The following DAAM2 variants were observed in gnomAD, a reference collection of about 807,000 sequenced individuals.
The protein encoded by DAAM2 is disheveled-associated activator of morphogenesis 2.
In DAAM2, 39 loss-of-function variants were observed where a neutral mutation model predicts 120.7. That is an observed-to-expected ratio of 0.32 (90% CI 0.25 to 0.42). The LOEUF (loss-of-function observed/expected upper bound fraction) is 0.42, where lower values mean the gene tolerates loss of function less well. DAAM2 is among the 10% of genes least tolerant of loss of function. The pLI, the probability that DAAM2 is intolerant of heterozygous loss-of-function variation, is 1.00. For missense variants in DAAM2, 1,283 were observed against 1,401.7 expected (o/e 0.92, Z 1.35); for synonymous variants, 488 against 524.9 (o/e 0.93, Z 0.96).
intron 22 of DAAM2, 167 bp from the exon 23 acceptor site, chr6:39,899,910 C>A: frequency 1.4e-6 from 1 of 708,270 alleles, no homozygotes; most frequent in South Asian, 2.1e-5. Context: ...GGGCTGGCTG[C>A]TAATGTTAGC....
chr6:39,896,272 G>A (rs1330577266), intron 19 of DAAM2, among the ~76,000 whole-genome samples: 1 of 151,538 alleles, frequency 6.6e-6, no homozygotes, highest in Non-Finnish European at 1.5e-5. Flanking sequence ...AGGCAATCTT[G>A]GCTCACTGCA....
intron 1 of DAAM2, among the ~76,000 whole-genome samples, chr6:39,816,322 T>C (rs1306468612): frequency 6.6e-6 from 1 of 152,240 alleles, no homozygotes; most frequent in Non-Finnish European, 1.5e-5. Context: ...TCTCCTGCTC[T>C]TGTTCTAAAC....
intron 1 of DAAM2, among the ~76,000 whole-genome samples, chr6:39,802,130 C>T (rs1287650680): frequency 6.6e-6 from 1 of 152,202 alleles, no homozygotes; most frequent in Non-Finnish European, 1.5e-5. Flanking sequence ...ACTGCTCGGC[C>T]CTTCCAAGAC....
rs1465932537 is a variant in DAAM2, at chr6:39,856,501, A to G, written c.168+31A>G. On this transcript the variant is annotated intron_variant, in intron 2 of 24. Coordinates refer to ENST00000274867, the MANE Select transcript of DAAM2 (RefSeq NM_001201427.2). ...TGAGAGGGTGGGGAGAGACAGTGAC[A>G]ATGGGGAGGAGGGTGGATGGAGAGG... The G allele has an allele frequency of 2.2e-6, 3 of 1,387,090 alleles. No homozygotes were observed. The East Asian group carries it at 8.6e-5, about 40-fold the overall frequency. The allele number at this position is 1,387,090 out of a possible 1,614,324, so 85.9% of individuals were successfully genotyped here. A position where few individuals can be genotyped will look rare whatever the true frequency, so the allele number is the denominator to read the frequency against.
chr6:39,797,363 C>G (rs1169696128), intron 1 of DAAM2, among the ~76,000 whole-genome samples: 1 of 152,184 alleles, frequency 6.6e-6, no homozygotes, highest in Non-Finnish European at 1.5e-5. Context: ...TTGAAAGGTA[C>G]ATTGTCTCAT....
intron 16 of DAAM2, chr6:39,888,175 C>T (rs527705786): frequency 5.1e-5 from 8 of 156,250 alleles, no homozygotes; most frequent in Non-Finnish European, 8.5e-5. Context: ...GTGGCTTCTC[C>T]CTCTCCCAGA....
rs540552389 is a variant in DAAM2 at position 39,867,936 on chromosome 6, T to G, written c.762+93T>G. The G allele has an allele frequency of 1.4e-4, 167 of 1,181,454 alleles. 2 individuals carry two copies. In the South Asian group the frequency reaches 2.3e-3, roughly 16 times the overall value. The allele number at this position is 1,181,454 out of a possible 1,614,324, so 73.2% of individuals were successfully genotyped here. A position where few individuals can be genotyped will look rare whatever the true frequency, so the allele number is the denominator to read the frequency against. ...CCTGAAGATTCTTTGCAGCAGAAAC[T>G]GGGGGAAAAGGAAAGTAATGTGGTC... On this transcript the variant is annotated intron_variant, in intron 6 of 24. Transcript: ENST00000274867.
At chr6:39,900,809 C>T (rs558522440) in intron 23 of DAAM2, among the ~76,000 whole-genome samples, 1 of 152,282 alleles carries the variant, frequency 6.6e-6, no homozygotes, top group South Asian at 2.1e-4. Flanking sequence ...TGGTAGCTCT[C>T]AGTAACTCAG....
Position 39,878,334 on chromosome 6 carries a change from T to G in DAAM2, c.1361-70T>G. 2 of 1,608,970 alleles carry G rather than the reference T, an allele frequency of 1.2e-6. No homozygotes were observed. Among genetic ancestry groups the G allele is most frequent in the Non-Finnish European group, 1.7e-6 (2 of 1,176,194 alleles). ...CTGCCCAGCCCATAACTCCATGCCC[T>G]TCCAGGCAGGGAGTCACATTACTCA... is the stretch of plus-strand genomic sequence containing the variant. On this transcript the variant is annotated intron_variant, in intron 12 of 24. Coordinates refer to ENST00000274867, the MANE Select transcript of DAAM2 (RefSeq NM_001201427.2). This position sits in a 1 kb window ranked among gnomAD's most constrained non-coding sequence, Gnocchi z 5.0.
chr6:39,826,538 C>T (rs749706763), intron 1 of DAAM2, among the ~76,000 whole-genome samples: 5 of 152,124 alleles, frequency 3.3e-5, no homozygotes, highest in Non-Finnish European at 4.4e-5. Flanking sequence ...AGCTGATATG[C>T]CCAATAGCTC....
chr6:39,792,939 C>T (rs1166230141), intron 1 of DAAM2: 1 of 152,220 alleles, frequency 6.6e-6, no homozygotes, highest in African/African-American at 2.4e-5. Context: ...CAGGCCTGGC[C>T]TCTGGCCAGT....
At chr6:39,863,051 C>T (rs942843779) in intron 3 of DAAM2, among the ~76,000 whole-genome samples, 2 of 152,008 alleles carry the variant, frequency 1.3e-5, no homozygotes, top group African/African-American at 4.8e-5. Flanking sequence ...GGATCACCCC[C>T]CAAGGTCTGC....
At chr6:39,825,384 TAAAACAAAAC>T (rs56245657) in intron 1 of DAAM2, among the ~76,000 whole-genome samples, 1,472 of 101,530 alleles carry the variant, frequency 0.014, 14 homozygotes, top group South Asian at 0.033. Context: ...CAAGACTGTT[TAAAACAAAAC>T]AAAACAAAAC....
chr6:39,901,890 A>T lies in DAAM2; in HGVS notation c.3060A>T (p.Gly1020=). The change falls in exon 25 of 25, where the codon GGA becomes GGT. Residue 1020 remains glycine, a synonymous_variant. Coordinates refer to ENST00000274867, the MANE Select transcript of DAAM2 (RefSeq NM_001201427.2). The surrounding 1 kb of genome is among the most constrained non-coding windows in gnomAD (Gnocchi z 4.5). The part of the protein sequence containing the change: ...VLAAGSSLEE[G]GEFDDLVSAL... The stretch of plus-strand genomic sequence containing the variant: ...CTGCAGGCAGCTCGCTGGAGGAGGG[A>T]GGAGAGTTCGATGACCTGGTGTCGG... 6.2e-7 allele frequency: 1 copy of T among 1,602,662 alleles called. No homozygotes were observed. The highest frequency in any genetic ancestry group is 8.5e-7 in the Non-Finnish European group (1 of 1,171,828).
chr6:39,900,373 T>C (rs1010068057), intron 23 of DAAM2, among the ~76,000 whole-genome samples, 165 bp downstream of exon 23: 1 of 152,212 alleles, frequency 6.6e-6, no homozygotes, highest in Non-Finnish European at 1.5e-5. Context: ...GATAACCACA[T>C]ACCGCAAAGA....
chr6:39,839,179 A>G (rs998776792), intron 1 of DAAM2, among the ~76,000 whole-genome samples: 5 of 152,102 alleles, frequency 3.3e-5, no homozygotes, highest in African/African-American at 1.2e-4. Context: ...GGATCCGCTC[A>G]TAACTTTGGA....
At chr6:39,844,717 C>T (rs780810518) in intron 1 of DAAM2, among the ~76,000 whole-genome samples, 3 of 152,186 alleles carry the variant, frequency 2.0e-5, no homozygotes, top group African/African-American at 7.2e-5. Flanking sequence ...AAACGAAGAG[C>T]GGGCTGATCA....
intron 1 of DAAM2, among the ~76,000 whole-genome samples, chr6:39,811,174 AGTGTGTGTGTGTGT>A (rs59432565): frequency 0.024 from 3,512 of 146,550 alleles, 76 homozygotes; most frequent in Middle Eastern, 0.034. Flanking sequence ...AACTGAAGGG[AGTGTGTGTGTGTGT>A]GTGTGTGTGT....
At chr6:39,804,963 G>A (rs1761967126) in intron 1 of DAAM2, among the ~76,000 whole-genome samples, 1 of 152,138 alleles carries the variant, frequency 6.6e-6, no homozygotes. Context: ...CAGAGCTCCA[G>A]TCTGTTAAAG....
Sources: gnomAD v4.1 joint callset for allele counts (sites outside exome capture counted in the v4.1 genomes callset) on GRCh38, gnomAD v4.1.1 for gene constraint, Gnocchi (gnomAD v3.1) non-coding constraint, MANE v1.5 for transcripts, NCBI Gene and HGNC (gene_info 2026-07-23, HGNC 2026-07-21) for gene names.